The following FOCAD variants were observed in gnomAD, a reference collection of about 807,000 sequenced individuals.
The protein encoded by FOCAD is KIAA1797.
In FOCAD, 198 loss-of-function variants were observed where a neutral mutation model predicts 225.6. The ratio of observed to expected loss-of-function variants is 0.88; its 90% CI spans 0.78 to 0.99. FOCAD has a LOEUF of 0.99. Among genes scored for constraint, FOCAD ranks in the 50% least tolerant of loss-of-function variants. FOCAD has a pLI of 0.00. For missense variants in FOCAD, 2,713 were observed against 2,123.6 expected, an observed-to-expected ratio of 1.28 and a Z score of -5.46; for synonymous variants, 897 against 755.0, an observed-to-expected ratio of 1.19 and a Z score of -3.08.
At chr9:20,792,980 A>G (rs1392569919) in intron 11 of FOCAD, among the ~76,000 whole-genome samples, 1 of 152,198 alleles carries the variant, frequency 6.6e-6, no homozygotes, top group Non-Finnish European at 1.5e-5. Context: ...AAGAGAAAAT[A>G]TATTCTATAA....
At chr9:20,739,801 A>G (rs575729101) in intron 4 of FOCAD, among the ~76,000 whole-genome samples, 17 of 152,162 alleles carry the variant, frequency 1.1e-4, no homozygotes, top group South Asian at 8.3e-4. Context: ...CTCTATTTCG[A>G]TGGGGGTTAT....
At chr9:20,848,560 G>C (rs1045702230) in intron 15 of FOCAD, among the ~76,000 whole-genome samples, 5 of 151,750 alleles carry the variant, frequency 3.3e-5, no homozygotes, top group Non-Finnish European at 7.4e-5. Context: ...GAGACAAGAG[G>C]GTAAGCTAAG....
At chr9:20,877,504 C>G (rs1477585529) in intron 19 of FOCAD, among the ~76,000 whole-genome samples, 1 of 152,124 alleles carries the variant, frequency 6.6e-6, no homozygotes, top group African/African-American at 2.4e-5. Context: ...CAATCATAAA[C>G]AGGTATACTA....
At chr9:20,993,556 C>G (rs1221742237) in intron 43 of FOCAD, among the ~76,000 whole-genome samples, 1 of 152,158 alleles carries the variant, frequency 6.6e-6, no homozygotes, top group Non-Finnish European at 1.5e-5. Flanking sequence ...ATTTATGTTT[C>G]ATACATACCT....
chr9:20,904,222 T>G (rs1228192357), intron 21 of FOCAD, among the ~76,000 whole-genome samples: 1 of 152,062 alleles, frequency 6.6e-6, no homozygotes, highest in Non-Finnish European at 1.5e-5. Context: ...TGAACATCGA[T>G]ATACATGGAT....
At chr9:20,976,840 T>G (rs567235613) in intron 36 of FOCAD, among the ~76,000 whole-genome samples, 4 of 152,284 alleles carry the variant, frequency 2.6e-5, no homozygotes, top group South Asian at 4.1e-4. Context: ...GCCTTTGTGG[T>G]TATCAAACTA....
chr9:20,988,667 T>C (rs10757168), intron 41 of FOCAD, among the ~76,000 whole-genome samples: 54,879 of 151,656 alleles, frequency 0.36, 10,159 homozygotes, highest in East Asian at 0.43. Flanking sequence ...ACTGGTATTC[T>C]TACCAAGCTC....
chr9:20,807,683 A>G (rs1434304170), intron 11 of FOCAD, among the ~76,000 whole-genome samples: 1 of 152,222 alleles, frequency 6.6e-6, no homozygotes, highest in Non-Finnish European at 1.5e-5. Flanking sequence ...GCTAGTGGCT[A>G]CTATGTTGAA....
rs141590838 is a variant in FOCAD, at chr9:20,945,066, G to A, written c.3555+292G>A. 2.6e-3 allele frequency among the ~76,000 whole-genome samples: 400 copies of A among 152,264 alleles called. 2 individuals are homozygous for A. The highest frequency in any genetic ancestry group is 9.4e-3 in the African/African-American group (391 of 41,550). ...AGAAGAGCTGCAATTTCTGGAAGAA[G>A]GTTAAATCGAGATTTTTAGAATTGT... On this transcript the variant is annotated intron_variant, in intron 29 of 43. Transcript: ENST00000338382.
chr9:20,886,753 C>T (rs190630057), intron 21 of FOCAD, among the ~76,000 whole-genome samples: 7 of 152,278 alleles, frequency 4.6e-5, no homozygotes, highest in African/African-American at 1.7e-4. Context: ...ATATTCTGCT[C>T]AGTATATGTA....
chr9:20,944,658 C>G lies in FOCAD; in HGVS notation c.3439C>G (p.Leu1147Val), dbSNP rs1422071736. 3 of 1,614,018 alleles carry G rather than the reference C, an allele frequency of 1.9e-6. No individual in the cohort carries two copies. In the East Asian group the frequency reaches 6.7e-5, roughly 36 times the overall value. ...TGCILGVGLV[L>V]SLMSHSSQMQ... ...CTGTATATTGGGAGTTGGACTTGTT[C>G]TGTCCCTCATGAGCCACAGCAGCCA... Residue 1147 changes from leucine (L) to valine (V), a missense_variant, in exon 29 of 44, where the codon CTG (leucine) becomes GTG (valine). By Grantham distance (32) the Leu-to-Val change is conservative (BLOSUM62 1). Coordinates refer to ENST00000338382, the MANE Select transcript of FOCAD (RefSeq NM_001375567.1).
intron 5 of FOCAD, among the ~76,000 whole-genome samples, chr9:20,754,436 C>G (rs1193943323): frequency 6.6e-6 from 1 of 152,056 alleles, no homozygotes; most frequent in African/African-American, 2.4e-5. Flanking sequence ...TGTTCTGTTA[C>G]TCTTGTGCAT....
intron 1 of FOCAD, among the ~76,000 whole-genome samples, chr9:20,711,637 A>G (rs1450737208): frequency 6.6e-6 from 1 of 152,212 alleles, no homozygotes; most frequent in Non-Finnish European, 1.5e-5. Flanking sequence ...CTGGATTTAG[A>G]GAGTGGTGGT....
intron 40 of FOCAD, among the ~76,000 whole-genome samples, chr9:20,986,743 G>C (rs1207864411): frequency 6.6e-6 from 1 of 152,104 alleles, no homozygotes; most frequent in Non-Finnish European, 1.5e-5. Context: ...GCTTCTGCCT[G>C]TTTAACTTCA....
In FOCAD at chr9:20,964,094, G is replaced by A. The variant is rs545292291; in HGVS notation, c.4132+11029G>A. The stretch of plus-strand genomic sequence containing the variant: ...ACAATAGCAGGGGTTGGCCAGATGT[G>A]GTGTCTCATGCCTGTAATCCCAGCA... On this transcript the variant is annotated intron_variant, in intron 35 of 43. Coordinates refer to ENST00000338382, the MANE Select transcript of FOCAD (RefSeq NM_001375567.1). Among the ~76,000 whole-genome samples, 11 of 152,092 alleles carry A rather than the reference G, an allele frequency of 7.2e-5. No individual in the cohort carries two copies. In the South Asian group the frequency reaches 2.3e-3, roughly 32 times the overall value.
intron 2 of FOCAD, among the ~76,000 whole-genome samples, chr9:20,672,135 A>G (rs1392981691): frequency 3.3e-5 from 5 of 152,208 alleles, no homozygotes; most frequent in African/African-American, 1.2e-4. Flanking sequence ...ATGAATCAGT[A>G]AAACTCCTGC....
At chr9:20,901,165 GT>G (rs771384320) in intron 21 of FOCAD, among the ~76,000 whole-genome samples, 2 of 145,612 alleles carry the variant, frequency 1.4e-5, no homozygotes, top group East Asian at 4.2e-4. Flanking sequence ...GTTGCAAATG[GT>G]TTTTTTTTCT....
chr9:20,993,971 A>G (rs907016488), intron 43 of FOCAD, among the ~76,000 whole-genome samples: 3 of 152,204 alleles, frequency 2.0e-5, no homozygotes, highest in Admixed American at 1.3e-4. Flanking sequence ...GACAATTTTT[A>G]TATTTTCCAT....
At chr9:20,737,112 A>T (rs941750075) in intron 4 of FOCAD, among the ~76,000 whole-genome samples, 2 of 148,054 alleles carry the variant, frequency 1.4e-5, no homozygotes, top group Non-Finnish European at 3.0e-5. Context: ...TACAGCATTG[A>T]CTCCGTTATC....
Sources: gnomAD v4.1 joint callset for allele counts (sites outside exome capture counted in the v4.1 genomes callset) on GRCh38, gnomAD v4.1.1 for gene constraint, MANE v1.5 for transcripts, NCBI Gene and HGNC (gene_info 2026-07-23, HGNC 2026-07-21) for gene names.